The following HMOX1 variants were observed in gnomAD, a reference collection of about 807,000 sequenced individuals.
HMOX1 encodes the protein heme oxygenase 1, also known as heat shock protein, 32-kD.
A neutral mutation model predicts 27.8 loss-of-function variants in HMOX1; 22 were observed. That is an observed-to-expected ratio of 0.79 (90% CI 0.57 to 1.13). The LOEUF (loss-of-function observed/expected upper bound fraction) is 1.13, where lower values mean the gene tolerates loss of function less well. Ranked by LOEUF, HMOX1 falls within the 50% of genes most tolerant of loss-of-function variation. The pLI is 0.00. For missense variants in HMOX1, 379 were observed against 377.7 expected (o/e 1.00, Z -0.03); for synonymous variants, 153 against 151.6 (o/e 1.01, Z -0.07).
At chr22:35,389,450 T>TCG (rs1569057855) in intron 3 of HMOX1, among the ~76,000 whole-genome samples, 1 of 101,276 alleles carries the variant, frequency 9.9e-6, no homozygotes, top group African/African-American at 8.2e-5. Context: ...CTTTCTTTCT[T>TCG]TTCTTTCTTT....
Position 35,386,995 on chromosome 22 carries a change from A to C in HMOX1, c.455A>C (p.Gln152Pro). 6.2e-7 allele frequency: 1 copy of C among 1,613,978 alleles called. No homozygotes were observed. The highest frequency in any genetic ancestry group is 2.2e-5 in the East Asian group (1 of 44,886). The stretch of plus-strand genomic sequence containing the variant: ...GGCCAGGTGCTCAAAAAGATTGCCC[A>C]GAAAGCCCTGGACCTGCCCAGCTCT... ...SGGQVLKKIA[Q>P]KALDLPSSGE... Residue 152 changes from glutamine (Q) to proline (P), a missense_variant, in exon 3 of 5, where the codon CAG (glutamine) becomes CCG (proline). Coordinates refer to ENST00000216117, the MANE Select transcript of HMOX1 (RefSeq NM_002133.3).
In HMOX1 at chr22:35,393,590, G is replaced by A; in HGVS notation, c.859G>A (p.Ala287Thr). The A allele has an allele frequency of 6.2e-7, 1 of 1,614,188 alleles. No homozygotes were observed. The highest frequency in any genetic ancestry group is 8.5e-7 in the Non-Finnish European group (1 of 1,180,024). ...LVATVAVGLYAM is the reference protein window; with the variant it reads ...LVATVAVGLYTM ...GGCGACAGTTGCTGTAGGGCTTTAT[G>A]CCATGTGAATGCAGGCATGCTGGCT... The change falls in exon 5 of 5, where the codon GCC (alanine) becomes ACC (threonine). Residue 287 changes from alanine (A) to threonine (T), a missense_variant. Physicochemically the swap from Ala to Thr is moderately conservative, Grantham distance 58. Transcript: ENST00000216117.
Position 35,393,446 on chromosome 22 carries a change from C to T in HMOX1, c.737-22C>T, listed in dbSNP as rs1404735986. On this transcript the variant is annotated intron_variant, in intron 4 of 4. Coordinates refer to ENST00000216117, the MANE Select transcript of HMOX1 (RefSeq NM_002133.3). Reference sequence around the variant, plus strand: ...TGATGCACGCCCACCTGTTAATGACCTTGCCCCATTTTCTCTTTCAGATTC... The same window carrying T: ...TGATGCACGCCCACCTGTTAATGACTTTGCCCCATTTTCTCTTTCAGATTC... The T allele has an allele frequency of 1.9e-6, 3 of 1,614,100 alleles. No homozygotes were observed. In the South Asian group the frequency reaches 3.3e-5, roughly 18 times the overall value.
intron 2 of HMOX1, 44 bp from the exon 3 acceptor site, chr22:35,386,641 T>A: frequency 1.9e-6 from 3 of 1,611,624 alleles, no homozygotes; most frequent in Non-Finnish European, 2.5e-6. Flanking sequence ...GAGGTGGGGG[T>A]CTTCTATGTG....
chr22:35,385,936 GTTTA>G lies in HMOX1; in HGVS notation c.145-729_145-726del, dbSNP rs57667882. ...GTGAGCCACCGCGTCCAGCTGGCTAGTTTATTTATTTATTTATTTATTTTTATTT... is the reference window on the plus strand; with the variant it reads ...GTGAGCCACCGCGTCCAGCTGGCTAGTTTATTTATTTATTTATTTTTATTT... On this transcript the variant is annotated intron_variant, in intron 2 of 4. Coordinates refer to ENST00000216117, the MANE Select transcript of HMOX1 (RefSeq NM_002133.3). Among the ~76,000 whole-genome samples the G allele has an allele frequency of 3.4e-5, 5 of 145,284 alleles. No homozygotes were observed. The South Asian group carries it at 6.6e-4, about 19-fold the overall frequency.
chr22:35,389,433 TTTCTTTCTTTC>T (rs1931651783), intron 3 of HMOX1, among the ~76,000 whole-genome samples: 2 of 108,780 alleles, frequency 1.8e-5, no homozygotes, highest in African/African-American at 9.7e-5. Flanking sequence ...TCTTTCTATC[TTTCTTTCTTTC>T]TTTCTTTTCT....
rs1569057463 is a variant in HMOX1 at position 35,389,370 on chromosome 22, TCC to T, written c.637-493_637-492del. Among the ~76,000 whole-genome samples, 86 of 66,140 alleles carry T rather than the reference TCC, an allele frequency of 1.3e-3. 9 individuals carry two copies. The highest frequency in any genetic ancestry group is 3.7e-3 in the African/African-American group (28 of 7,478). The allele number at this position is 66,140 out of a possible 152,430, so 43.4% of individuals were successfully genotyped here. A position where few individuals can be genotyped will look rare whatever the true frequency, so the allele number is the denominator to read the frequency against. ...TTCCTTCCTTCCTTCCTTCCTTCCT[TCC>T]TTCCTTCCTTCCTTCCTTCCTTCCT... On this transcript the variant is annotated intron_variant, in intron 3 of 4. Coordinates refer to ENST00000216117, the MANE Select transcript of HMOX1 (RefSeq NM_002133.3).
In HMOX1 at chr22:35,383,139, G is replaced by C. The variant is rs1413931872; in HGVS notation, c.57G>C (p.Glu19Asp). The C allele has an allele frequency of 6.2e-7, 1 of 1,613,714 alleles. No individual in the cohort carries two copies. Among genetic ancestry groups the C allele is most frequent in the African/African-American group, 1.3e-5 (1 of 74,918 alleles). The part of the protein sequence containing the change: ...MPQDLSEALK[E>D]ATKEVHTQAE... ...AGGATTTGTCAGAGGCCCTGAAGGA[G>C]GCCACCAAGGAGGTGCACACCCAGG... Residue 19 changes from glutamate to aspartate, a missense_variant, in exon 2 of 5, where the codon GAG becomes GAC. By Grantham distance (45) the Glu-to-Asp change is conservative. Coordinates refer to ENST00000216117, the MANE Select transcript of HMOX1 (RefSeq NM_002133.3).
In HMOX1 at chr22:35,386,720, C is replaced by T. The variant is rs1205286883; in HGVS notation, c.180C>T (p.Ala60=). The change falls in exon 3 of 5, where the codon GCC becomes GCT. Residue 60 remains alanine, a synonymous_variant. Transcript: ENST00000216117. ...VMASLYHIYV[A]LEEEIERNKE... is the part of the protein sequence containing the mutation. Reference sequence around the variant, plus strand: ...CCTCCCTGTACCACATCTATGTGGCCCTGGAGGAGGAGATTGAGCGCAACA... The same window carrying T: ...CCTCCCTGTACCACATCTATGTGGCTCTGGAGGAGGAGATTGAGCGCAACA... 6.2e-7 allele frequency: 1 copy of T among 1,614,162 alleles called. No individual in the cohort carries two copies. The highest frequency in any genetic ancestry group is 8.5e-7 in the Non-Finnish European group (1 of 1,180,020).
chr22:35,381,466 A>AT (rs575875274), intron 1 of HMOX1: 23,110 of 463,952 alleles, frequency 0.05, 233 homozygotes, highest in Middle Eastern at 0.079. Flanking sequence ...GAGGTAGCCA[A>AT]TTTTTTTTTT....
intron 4 of HMOX1, among the ~76,000 whole-genome samples, chr22:35,391,757 A>ATTT: frequency 7.1e-6 from 1 of 140,042 alleles, no homozygotes; most frequent in African/African-American, 2.7e-5. Flanking sequence ...CCACACCCAG[A>ATTT]TTTTTTTTTT....
chr22:35,390,375 C>G (rs1478814055), intron 4 of HMOX1: 2 of 292,254 alleles, frequency 6.8e-6, no homozygotes, highest in South Asian at 3.3e-5. Flanking sequence ...AGGCGCCCAC[C>G]ACCATGCCTG....
chr22:35,381,258 A>G lies in HMOX1; in HGVS notation c.23+62A>G, dbSNP rs958730412. 21 of 1,527,294 alleles carry G rather than the reference A, an allele frequency of 1.4e-5. No homozygotes were observed. In the African/African-American group the frequency reaches 2.7e-4, roughly 20 times the overall value. The allele number at this position is 1,527,294 out of a possible 1,614,324, so 94.6% of individuals were successfully genotyped here. Reference sequence around the variant, plus strand: ...TCTCTCCCAACCCTGCTTGCGTCCTAGCCCCACCCCGGGACACTGCCACAC... The same window carrying G: ...TCTCTCCCAACCCTGCTTGCGTCCTGGCCCCACCCCGGGACACTGCCACAC... On this transcript the variant is annotated intron_variant, in intron 1 of 4. Coordinates refer to ENST00000216117, the MANE Select transcript of HMOX1 (RefSeq NM_002133.3).
chr22:35,383,259 G>T, intron 2 of HMOX1, 33 bp downstream of exon 2: 1 of 1,609,580 alleles, frequency 6.2e-7, no homozygotes, highest in Non-Finnish European at 8.5e-7. Context: ...CCCTGGTGGA[G>T]GGTGTGGCAG....
At chr22:35,391,901 G>A (rs1218303084) in intron 4 of HMOX1, among the ~76,000 whole-genome samples, 3 of 151,824 alleles carry the variant, frequency 2.0e-5, no homozygotes, top group African/African-American at 7.3e-5. Flanking sequence ...CTCATGGAAT[G>A]TGTGCCTGTA....
At chr22:35,390,316 C>T (rs544670125) in intron 4 of HMOX1, 42 of 333,910 alleles carry the variant, frequency 1.3e-4, no homozygotes, top group Admixed American at 5.6e-4. Flanking sequence ...CTCTGCCTCC[C>T]GGGTTCAAGC....
intron 3 of HMOX1, among the ~76,000 whole-genome samples, chr22:35,389,309 TTC>T (rs1168322476): frequency 7.7e-6 from 1 of 130,220 alleles, no homozygotes; most frequent in Admixed American, 7.3e-5. Flanking sequence ...CTTTCTTTCT[TTC>T]TTTCTTTCTT....
chr22:35,384,394 A>G (rs1357204154), intron 2 of HMOX1, among the ~76,000 whole-genome samples: 1 of 151,860 alleles, frequency 6.6e-6, no homozygotes, highest in Non-Finnish European at 1.5e-5. Context: ...GACATGCTTT[A>G]ATGAGGAGAG....
chr22:35,388,242 G>C (rs1252100168), intron 3 of HMOX1, among the ~76,000 whole-genome samples: 1 of 152,072 alleles, frequency 6.6e-6, no homozygotes, highest in Non-Finnish European at 1.5e-5. Flanking sequence ...CTTGAGCCCA[G>C]GAGTTTGAGA....
Sources: allele counts gnomAD v4.1 joint callset (sites outside exome capture counted in the v4.1 genomes callset), GRCh38; gene constraint gnomAD v4.1.1; transcripts MANE v1.5; gene names NCBI Gene and HGNC (gene_info 2026-07-23, HGNC 2026-07-21).